ANKS1B: variants seen among roughly 807,000 people sequenced by gnomAD.
ANKS1B encodes the protein ankyrin repeat and sterile alpha motif domain containing 1B.
Under a neutral mutation model 148.3 loss-of-function variants are expected in ANKS1B, and 36 were observed. The observed-to-expected ratio is 0.24, with a 90% CI of 0.19 to 0.32. The LOEUF (loss-of-function observed/expected upper bound fraction) is 0.32. Ranked by LOEUF, ANKS1B falls within the 10% of genes least tolerant of loss-of-function variation. The pLI is 1.00. For missense variants in ANKS1B, 1,157 were observed against 1,542.6 expected (o/e 0.75, Z 4.19); for synonymous variants, 542 against 560.8 (o/e 0.97, Z 0.47).
chr12:98,990,258 T>G (rs1214808381), intron 17 of ANKS1B, among the ~76,000 whole-genome samples: 1 of 152,170 alleles, frequency 6.6e-6, no homozygotes, highest in African/African-American at 2.4e-5. Flanking sequence ...CTAAATATTT[T>G]TTGTAGCTAT....
intron 1 of ANKS1B, among the ~76,000 whole-genome samples, chr12:99,890,224 T>C (rs2093025481): frequency 6.6e-6 from 1 of 152,242 alleles, no homozygotes. Context: ...TCCATGTTGC[T>C]GTGAGGGTAT....
At chr12:99,340,390 T>C (rs1324614074) in intron 12 of ANKS1B, among the ~76,000 whole-genome samples, 1 of 152,166 alleles carries the variant, frequency 6.6e-6, no homozygotes, top group Non-Finnish European at 1.5e-5. Flanking sequence ...CAGTTTGCAA[T>C]ATTGTATAAC....
At chr12:99,440,709 C>T (rs907758546) in intron 11 of ANKS1B, among the ~76,000 whole-genome samples, 1 of 151,828 alleles carries the variant, frequency 6.6e-6, no homozygotes, top group Non-Finnish European at 1.5e-5. Flanking sequence ...AAGTAATTAA[C>T]TAAGCAGAAA....
In ANKS1B at chr12:98,736,310, T is replaced by C. The variant is rs571622654; in HGVS notation, c.691-676A>G. On this transcript the variant is annotated intron_variant, in intron 9 of 9. Transcript: ENST00000341752. ...CAGCAGAGCTTGTGACAAGTTGGAT[T>C]CTGGACATATTTTGAAGATAAGAGT... Among the ~76,000 whole-genome samples, 8 of 152,276 alleles carry C rather than the reference T, an allele frequency of 5.3e-5. No individual in the cohort carries two copies. In the East Asian group the frequency reaches 9.6e-4, roughly 18 times the overall value.
chr12:98,939,830 T>G (rs2099833636), intron 17 of ANKS1B, among the ~76,000 whole-genome samples: 1 of 152,210 alleles, frequency 6.6e-6, no homozygotes, highest in Non-Finnish European at 1.5e-5. Flanking sequence ...ACGCTGCCCC[T>G]AAGATGTGGA....
intron 9 of ANKS1B, among the ~76,000 whole-genome samples, chr12:99,531,105 T>G (rs910057581): frequency 1.3e-5 from 2 of 152,170 alleles, no homozygotes; most frequent in Admixed American, 6.5e-5. Context: ...CTTAGTCCAG[T>G]AAGAATTTTG....
Position 99,244,199 on chromosome 12 carries a change from T to C in ANKS1B, c.2419+143A>G, listed in dbSNP as rs575931604. ...ATAACTGATGTTGCTTATATGTCAT[T>C]GTTGTTAGATCTGAGAGTGGAAGGA... On this transcript the variant is annotated intron_variant, in intron 14 of 26. Transcript: ENST00000683438. 8.5e-6 allele frequency: 5 copies of C among 590,282 alleles called. No individual in the cohort carries two copies. In the South Asian group the frequency reaches 9.4e-5, roughly 11 times the overall value. The allele number at this position is 590,282 out of a possible 1,614,324, so 36.6% of individuals were successfully genotyped here.
downstream of ANKS1B, among the ~76,000 whole-genome samples, chr12:98,743,487 C>G (rs2097821204): frequency 6.6e-6 from 1 of 152,182 alleles, no homozygotes; most frequent in Non-Finnish European, 1.5e-5. Context: ...CAATTTTCCC[C>G]TTGAAGAAAA....
intron 12 of ANKS1B, among the ~76,000 whole-genome samples, chr12:99,354,823 T>A (rs1288163773): frequency 6.6e-6 from 1 of 151,904 alleles, no homozygotes; most frequent in African/African-American, 2.4e-5. Context: ...TGACTTTAAG[T>A]TCAGTAAGAG....
chr12:99,655,113 G>A lies in ANKS1B; in HGVS notation c.1226C>T (p.Thr409Ile). ...CGPSGLWEAL[T>I]PCNGCRNLGF... ...AAGGTTCCTACATCCATTACACGGA[G>A]TTAATGCTTCCCAAAGTCCTGATGG... Residue 409 changes from threonine to isoleucine, a missense_variant, in exon 9 of 27, where the codon ACT (threonine) becomes ATT (isoleucine). Coordinates refer to ENST00000683438, the MANE Select transcript of ANKS1B (RefSeq NM_001352186.2). 6.2e-7 allele frequency: 1 copy of A among 1,612,412 alleles called. No individual in the cohort carries two copies. Among genetic ancestry groups the A allele is most frequent in the Non-Finnish European group, 8.5e-7 (1 of 1,178,960 alleles).
intron 17 of ANKS1B, among the ~76,000 whole-genome samples, chr12:98,869,250 C>T (rs169299): frequency 0.027 from 4,122 of 152,286 alleles, 95 homozygotes; most frequent in South Asian, 0.095. Flanking sequence ...GTATTCAATA[C>T]ATATTTATTA....
At chr12:98,883,778 T>C (rs1450724580) in intron 17 of ANKS1B, among the ~76,000 whole-genome samples, 2 of 152,178 alleles carry the variant, frequency 1.3e-5, no homozygotes, top group Non-Finnish European at 2.9e-5. Flanking sequence ...AAAGTAAATA[T>C]ATATAAAGTG....
At chr12:99,231,555 A>G (rs1793120459) in intron 14 of ANKS1B, among the ~76,000 whole-genome samples, 1 of 152,108 alleles carries the variant, frequency 6.6e-6, no homozygotes, top group African/African-American at 2.4e-5. Context: ...AAAAATGTTG[A>G]CAGTAGTAAA....
At chr12:99,649,817 T>C (rs2098406318) in intron 9 of ANKS1B, 1 of 151,564 alleles carries the variant, frequency 6.6e-6, no homozygotes. Flanking sequence ...ATCTCTCTGC[T>C]ACTCAAAGGC....
At position 99,208,762 on chromosome 12, in the gene ANKS1B, T is replaced by C. The variant is rs117623154; in HGVS notation, c.2419+35580A>G. Among the ~76,000 whole-genome samples the C allele has an allele frequency of 5.3e-3, 804 of 152,316 alleles. 14 individuals are homozygous for C. Among genetic ancestry groups the C allele is most frequent in the South Asian group, 0.048 (230 of 4,822 alleles). On this transcript the variant is annotated intron_variant, in intron 14 of 26. Transcript: ENST00000683438. Reference sequence around the variant, plus strand: ...CTGAAAAACTGATGAAGAAGAGTTATGGTTTTTTATGGCTTTTTAATTTGA... The same window carrying C: ...CTGAAAAACTGATGAAGAAGAGTTACGGTTTTTTATGGCTTTTTAATTTGA...
chr12:99,865,312 T>C (rs2153722574), intron 1 of ANKS1B, among the ~76,000 whole-genome samples: 1 of 152,286 alleles, frequency 6.6e-6, no homozygotes, highest in Admixed American at 6.5e-5. Flanking sequence ...ATTAATTGAC[T>C]CCAGTGATAT....
intron 17 of ANKS1B, among the ~76,000 whole-genome samples, chr12:99,050,245 C>G (rs1429394962): frequency 6.6e-6 from 1 of 152,176 alleles, no homozygotes; most frequent in Non-Finnish European, 1.5e-5. Flanking sequence ...AAGGCATGCA[C>G]ACATTTTGCC....
chr12:99,970,376 A>G (rs1260714873), intron 1 of ANKS1B, among the ~76,000 whole-genome samples: 1 of 152,196 alleles, frequency 6.6e-6, no homozygotes, highest in Non-Finnish European at 1.5e-5. Flanking sequence ...AAAATTCAGG[A>G]TCCAAACTTG....
At chr12:99,175,084 T>C (rs2078230920) in intron 14 of ANKS1B, among the ~76,000 whole-genome samples, 1 of 151,434 alleles carries the variant, frequency 6.6e-6, no homozygotes, top group Admixed American at 6.7e-5. Context: ...ATAAGAACAT[T>C]GACATGGATT....
Sources: allele counts gnomAD v4.1 joint callset (sites outside exome capture counted in the v4.1 genomes callset), GRCh38; gene constraint gnomAD v4.1.1; transcripts MANE v1.5; gene names NCBI Gene and HGNC (gene_info 2026-07-23, HGNC 2026-07-21).